The following ULK4 variants were observed in gnomAD, a reference collection of about 807,000 sequenced individuals.
ULK4 encodes inactive serine/threonine-protein kinase ULK4.
Under a neutral mutation model 160.6 loss-of-function variants are expected in ULK4, and 133 were observed. The ratio of observed to expected loss-of-function variants is 0.83; its 90% confidence interval spans 0.72 to 0.96. ULK4 has a LOEUF of 0.96. ULK4 is among the 40% of genes least tolerant of loss of function. The pLI, the probability that ULK4 is intolerant of heterozygous loss-of-function variation, is 0.00. For synonymous variants in ULK4, 534 were observed against 539.8 expected (o/e 0.99, Z 0.15); for missense variants, 1,580 against 1,499.5 (o/e 1.05, Z -0.89).
chr3:41,497,589 G>A (rs1447634162), intron 32 of ULK4, among the ~76,000 whole-genome samples: 3 of 151,888 alleles, frequency 2.0e-5, no homozygotes, highest in Non-Finnish European at 4.4e-5. Flanking sequence ...ACCACACCTA[G>A]GCAAGTTAAA....
At position 41,802,330 on chromosome 3, in the gene ULK4, C is replaced by A. The variant is rs1559563160; in HGVS notation, c.1849-2037G>T. On this transcript the variant is annotated intron_variant, in intron 19 of 36. Coordinates refer to ENST00000301831, the MANE Select transcript of ULK4 (RefSeq NM_017886.4). ...TTTTTCTTTTTGAGACACAGTCTCA[C>A]TCTGTCACCCAGACTGAAGTACAAT... is the stretch of plus-strand genomic sequence containing the variant. Among the ~76,000 whole-genome samples, 3 of 152,198 alleles carry A rather than the reference C, an allele frequency of 2.0e-5. No homozygotes were observed. In the South Asian group the frequency reaches 6.2e-4, roughly 31 times the overall value.
Position 41,506,767 on chromosome 3 carries a change from A to AAAAAAAAAAAAAAAAAAT in ULK4, c.3227-43515_3227-43514insATTTTTTTTTTTTTTTTT. 2.8e-3 allele frequency among the ~76,000 whole-genome samples: 160 copies of AAAAAAAAAAAAAAAAAAT among 56,784 alleles called. 23 individuals carry two copies. Among genetic ancestry groups the AAAAAAAAAAAAAAAAAAT allele is most frequent in the South Asian group, 5.2e-3 (8 of 1,536 alleles). The allele number at this position is 56,784 out of a possible 152,430, so 37.3% of individuals were successfully genotyped here. A position where few individuals can be genotyped will look rare whatever the true frequency, so the allele number is the denominator to read the frequency against. ...AGCAATACACTGGAGTGTGATTTAA[A>AAAAAAAAAAAAAAAAAAT]ATATATATATATATATATATATATA... On this transcript the variant is annotated intron_variant, in intron 32 of 36. Transcript: ENST00000301831.
At chr3:41,800,109 C>T in intron 20 of ULK4, 23 bp downstream of exon 20, 4 of 1,545,586 alleles carry the variant, frequency 2.6e-6, no homozygotes, top group East Asian at 2.3e-5. Context: ...CAGACATATC[C>T]CCCAAAAGAT....
intron 30 of ULK4, among the ~76,000 whole-genome samples, chr3:41,640,094 A>C (rs1280426018): frequency 1.3e-5 from 2 of 152,134 alleles, no homozygotes; most frequent in African/African-American, 4.8e-5. Flanking sequence ...GTGTTAACAT[A>C]ATCATCATCT....
chr3:41,791,584 C>T (rs553689756), intron 20 of ULK4, among the ~76,000 whole-genome samples: 1 of 152,270 alleles, frequency 6.6e-6, no homozygotes, highest in South Asian at 2.1e-4. Context: ...CACGAAGAAC[C>T]TTCGATCTTC....
At chr3:41,793,434 T>C (rs2040208341) in intron 20 of ULK4, among the ~76,000 whole-genome samples, 1 of 152,170 alleles carries the variant, frequency 6.6e-6, no homozygotes. Context: ...CCATTTCTTT[T>C]TGGTATTTCA....
intron 35 of ULK4, among the ~76,000 whole-genome samples, chr3:41,300,846 T>A (rs1219437494): frequency 1.6e-5 from 1 of 62,974 alleles, no homozygotes; most frequent in African/African-American, 7.6e-5. Flanking sequence ...ATTATATATA[T>A]ATATATATAT....
At chr3:41,789,209 G>A (rs2040080300) in intron 21 of ULK4, among the ~76,000 whole-genome samples, 1 of 152,192 alleles carries the variant, frequency 6.6e-6, no homozygotes, top group Non-Finnish European at 1.5e-5. Context: ...AGGACTAGAA[G>A]AGGATAGGTT....
At chr3:41,331,550 GA>G (rs2080443564) in intron 35 of ULK4, among the ~76,000 whole-genome samples, 1 of 152,154 alleles carries the variant, frequency 6.6e-6, no homozygotes, top group Non-Finnish European at 1.5e-5. Flanking sequence ...CCAGGATACC[GA>G]AAGTGTCACA....
chr3:41,709,203 A>C (rs1188428985), intron 25 of ULK4, among the ~76,000 whole-genome samples: 1 of 152,224 alleles, frequency 6.6e-6, no homozygotes, highest in Non-Finnish European at 1.5e-5. Flanking sequence ...TTATAATTTA[A>C]ATAAATAAGC....
chr3:41,300,130 AG>A (rs1313506359), intron 35 of ULK4, among the ~76,000 whole-genome samples: 15 of 152,316 alleles, frequency 9.8e-5, no homozygotes, highest in African/African-American at 3.6e-4. Context: ...GTACAAATTT[AG>A]TAGATGAAAA....
At chr3:41,271,780 T>C (rs1165569661) in intron 35 of ULK4, among the ~76,000 whole-genome samples, 2 of 151,602 alleles carry the variant, frequency 1.3e-5, no homozygotes, top group East Asian at 1.9e-4. Flanking sequence ...GACATTTGGA[T>C]TGTTTCCAGA....
intron 34 of ULK4, among the ~76,000 whole-genome samples, chr3:41,448,394 G>T (rs1418123713): frequency 6.6e-6 from 1 of 152,136 alleles, no homozygotes; most frequent in Non-Finnish European, 1.5e-5. Context: ...CATGTTTAAA[G>T]AACTGAAAAG....
chr3:41,483,338 T>A (rs2084394021), intron 32 of ULK4, among the ~76,000 whole-genome samples: 1 of 152,212 alleles, frequency 6.6e-6, no homozygotes, highest in Non-Finnish European at 1.5e-5. Context: ...GCTTCAAGAT[T>A]TTTTTAGTTT....
chr3:41,390,268 CTTT>C (rs1037938982), intron 35 of ULK4, among the ~76,000 whole-genome samples: 7 of 152,014 alleles, frequency 4.6e-5, no homozygotes, highest in Admixed American at 3.3e-4. Flanking sequence ...CTCTTTTCTT[CTTT>C]ATTAGTCTTG....
chr3:41,710,958 G>A (rs1319272230), intron 25 of ULK4, among the ~76,000 whole-genome samples: 1 of 152,140 alleles, frequency 6.6e-6, no homozygotes, highest in East Asian at 1.9e-4. Context: ...TTGGGGAGGA[G>A]AGGAAATGAG....
At chr3:41,497,064 T>A (rs79623404) in intron 32 of ULK4, among the ~76,000 whole-genome samples, 2 of 149,578 alleles carry the variant, frequency 1.3e-5, no homozygotes. Context: ...AGATATTAAA[T>A]AGAGACACTA....
intron 19 of ULK4, among the ~76,000 whole-genome samples, chr3:41,804,565 T>G (rs1335682767): frequency 4.6e-5 from 7 of 151,512 alleles, no homozygotes; most frequent in African/African-American, 1.7e-4. Flanking sequence ...CCCATGCCTA[T>G]GTCCTGAATG....
At chr3:41,688,291 C>T (rs894501138) in intron 27 of ULK4, among the ~76,000 whole-genome samples, 2 of 152,048 alleles carry the variant, frequency 1.3e-5, no homozygotes, top group South Asian at 2.1e-4. Context: ...TGGTGGCTCA[C>T]ACCTGTAGCC....
Sources: allele counts gnomAD v4.1 joint callset (sites outside exome capture counted in the v4.1 genomes callset), GRCh38; gene constraint gnomAD v4.1.1; transcripts MANE v1.5; gene names NCBI Gene and HGNC (gene_info 2026-07-23, HGNC 2026-07-21).